Variants in GUF1 observed in about 807,000 individuals in gnomAD.
GUF1 encodes GTP binding elongation factor GUF1.
Under a neutral mutation model 82.4 loss-of-function variants are expected in GUF1, and 78 were observed. That is an observed-to-expected ratio of 0.95 (90% CI 0.79 to 1.14). The LOEUF (loss-of-function observed/expected upper bound fraction) is 1.14, where lower values mean the gene tolerates loss of function less well. GUF1 is among the 50% of genes most tolerant of loss of function. The pLI is 0.00. For missense variants in GUF1, 814 were observed against 798.2 expected, an observed-to-expected ratio of 1.02 and a Z score of -0.24; for synonymous variants, 279 against 282.3, an observed-to-expected ratio of 0.99 and a Z score of 0.12.
At chr4:44,696,314 CTGG>C (rs1371422677) in intron 15 of GUF1, among the ~76,000 whole-genome samples, 1 of 152,078 alleles carries the variant, frequency 6.6e-6, no homozygotes, top group Non-Finnish European at 1.5e-5. Flanking sequence ...AATCAGAACA[CTGG>C]CTGGGTGTGG....
chr4:44,680,894 T>C (rs1374395595), intron 3 of GUF1, 52 bp downstream of exon 3: 1 of 1,437,732 alleles, frequency 7.0e-7, no homozygotes, highest in Non-Finnish European at 9.6e-7. Flanking sequence ...ATTGTGTCAG[T>C]AGTGCAAACA....
In GUF1 at chr4:44,689,846, A is replaced by G; in HGVS notation, c.1206A>G (p.Leu402=). Residue 402 remains leucine (L), a synonymous_variant, in exon 11 of 17, where the codon CTA becomes CTG. Coordinates refer to ENST00000281543, the MANE Select transcript of GUF1 (RefSeq NM_021927.3). ...SSLALGAGWR[L]GFLGLLHMEV... is the part of the protein sequence containing the mutation. ...AGTTTGTCTTTTCCTCCCCCAGGCT[A>G]GGATTTCTTGGACTTTTGCACATGG... 2.5e-6 allele frequency: 4 copies of G among 1,600,082 alleles called. No individual in the cohort carries two copies. Among genetic ancestry groups the G allele is most frequent in the Non-Finnish European group, 3.4e-6 (4 of 1,171,338 alleles).
At chr4:44,698,326 C>G (rs1389061409) in intron 16 of GUF1, among the ~76,000 whole-genome samples, 1 of 151,966 alleles carries the variant, frequency 6.6e-6, no homozygotes, top group African/African-American at 2.4e-5. Context: ...TATTATTATA[C>G]TAGGTTTCCT....
chr4:44,696,271 C>T (rs6447369), intron 15 of GUF1, among the ~76,000 whole-genome samples: 27 of 151,920 alleles, frequency 1.8e-4, no homozygotes, highest in African/African-American at 6.0e-4. Flanking sequence ...TAATTTGTGT[C>T]GGACACTAGT....
intron 8 of GUF1, among the ~76,000 whole-genome samples, chr4:44,687,022 G>T (rs1389056234): frequency 1.3e-5 from 2 of 151,808 alleles, no homozygotes; most frequent in South Asian, 2.1e-4. Flanking sequence ...TCCATATTAG[G>T]TATCATTTTT....
Position 44,691,725 on chromosome 4 carries a change from A to G in GUF1, c.1539A>G (p.Lys513=), listed in dbSNP as rs377688166. 2.0e-5 allele frequency: 32 copies of G among 1,585,420 alleles called. No homozygotes were observed. In the South Asian group the frequency reaches 3.0e-4, roughly 15 times the overall value. ...IFIDQNRVML[K]YLFPLNEIVV... ...TTGATCAAAATAGAGTTATGCTTAA[A>G]TATCTCTTTCCTTTGAATGAAATTG... The change falls in exon 13 of 17, where the codon AAA becomes AAG. Residue 513 remains lysine (K), a synonymous_variant. Transcript: ENST00000281543.
chr4:44,698,075 G>A (rs1467077268), intron 16 of GUF1, among the ~76,000 whole-genome samples: 1 of 152,160 alleles, frequency 6.6e-6, no homozygotes, highest in East Asian at 1.9e-4. Flanking sequence ...GAGCTCAGGA[G>A]GCGGAGGTTA....
chr4:44,682,133 C>T (rs1714804706), intron 4 of GUF1: 1 of 362,266 alleles, frequency 2.8e-6, no homozygotes, highest in Non-Finnish European at 5.0e-6. Flanking sequence ...ATTGCTTTAC[C>T]ATCAGCGATT....
chr4:44,691,451 A>G (rs769550362), intron 12 of GUF1, among the ~76,000 whole-genome samples: 4 of 151,750 alleles, frequency 2.6e-5, no homozygotes, highest in Non-Finnish European at 5.9e-5. Flanking sequence ...CATTTGATTT[A>G]CTGTTAAATG....
chr4:44,693,457 C>T (rs1239979244), intron 13 of GUF1, among the ~76,000 whole-genome samples: 1 of 151,950 alleles, frequency 6.6e-6, no homozygotes, highest in African/African-American at 2.4e-5. Context: ...CTGTATGATA[C>T]TTAACATGGT....
Position 44,698,938 on chromosome 4 carries a change from C to T in GUF1, c.*257C>T, listed in dbSNP as rs1010967164. 6 of 337,008 alleles carry T rather than the reference C, an allele frequency of 1.8e-5. No individual in the cohort carries two copies. Among genetic ancestry groups the T allele is most frequent in the Admixed American group, 9.3e-5 (2 of 21,398 alleles). 20.9% of individuals were successfully genotyped at this position (337,008 alleles called of 1,614,324 possible). Reference sequence around the variant, plus strand: ...ACCTTTGTTTCCTCTTCAGTAAAATCGAGATTATACTACTACCTACATAAG... The same window carrying T: ...ACCTTTGTTTCCTCTTCAGTAAAATTGAGATTATACTACTACCTACATAAG... On this transcript the variant is annotated 3_prime_UTR_variant, in exon 17 of 17. Transcript: ENST00000281543.
At chr4:44,688,407 C>A (rs1715204130) in intron 9 of GUF1, among the ~76,000 whole-genome samples, 1 of 148,006 alleles carries the variant, frequency 6.8e-6, no homozygotes, top group African/African-American at 2.4e-5. Flanking sequence ...ATATAAATTT[C>A]TTTCTTATTT....
At position 44,678,697 on chromosome 4, in the gene GUF1, G is replaced by C; in HGVS notation, c.75G>C (p.Leu25=). ...CACGAGCCACTGGGGCCGCGCTTCT[G>C]GTGGCCCCGGGGCCCCGGTCCGCGC... ...LAPRATGAAL[L]VAPGPRSAPT... Residue 25 remains leucine, a synonymous_variant, in exon 1 of 17, where the codon CTG becomes CTC. Coordinates refer to ENST00000281543, the MANE Select transcript of GUF1 (RefSeq NM_021927.3). The C allele has an allele frequency of 6.6e-7, 1 of 1,506,198 alleles. No individual in the cohort carries two copies. The highest frequency in any genetic ancestry group is 8.8e-7 in the Non-Finnish European group (1 of 1,141,348). 93.3% of individuals were successfully genotyped at this position (1,506,198 alleles called of 1,614,324 possible).
intron 1 of GUF1, 55 bp downstream of exon 1, chr4:44,678,842 A>G: frequency 6.7e-7 from 1 of 1,503,652 alleles, no homozygotes; most frequent in Non-Finnish European, 8.8e-7. Flanking sequence ...GGAGTGCCCC[A>G]TGCGATCTTG....
Position 44,681,383 on chromosome 4 carries a change from C to A in GUF1, c.507+180C>A, listed in dbSNP as rs544528050. On this transcript the variant is annotated intron_variant, in intron 4 of 16. Transcript: ENST00000281543. The stretch of plus-strand genomic sequence containing the variant: ...AATCTGAAATATTATTACAATAAAG[C>A]ATTCTCTGGAATTGACTAGTTTTTA... 9.2e-5 allele frequency among the ~76,000 whole-genome samples: 14 copies of A among 152,096 alleles called. No homozygotes were observed. The South Asian group carries it at 2.9e-3, about 32-fold the overall frequency.
chr4:44,699,345 G>C lies in GUF1; in HGVS notation c.*664G>C, dbSNP rs953413434. The C allele has an allele frequency of 3.3e-5, 5 of 152,156 alleles. No homozygotes were observed. The highest frequency in any genetic ancestry group is 7.3e-5 in the Non-Finnish European group (5 of 68,088). The allele number at this position is 152,156 out of a possible 1,614,324, so 9.4% of individuals were successfully genotyped here. On this transcript the variant is annotated 3_prime_UTR_variant, in exon 17 of 17. Transcript: ENST00000281543. Reference sequence around the variant, plus strand: ...TTACAGGCGTGCACCACCATGCTCGGCTAATTTTTTGTATCTTTAGTAGAG... The same window carrying C: ...TTACAGGCGTGCACCACCATGCTCGCCTAATTTTTTGTATCTTTAGTAGAG...
In GUF1 at chr4:44,699,035, A is replaced by G. The variant is rs1181150318; in HGVS notation, c.*354A>G. The G allele has an allele frequency of 4.8e-5, 8 of 165,870 alleles. No individual in the cohort carries two copies. The highest frequency in any genetic ancestry group is 7.2e-5 in the African/African-American group (3 of 41,788). The allele number at this position is 165,870 out of a possible 1,614,324, so 10.3% of individuals were successfully genotyped here. A position where few individuals can be genotyped will look rare whatever the true frequency, so the allele number is the denominator to read the frequency against. On this transcript the variant is annotated 3_prime_UTR_variant, in exon 17 of 17. Coordinates refer to ENST00000281543, the MANE Select transcript of GUF1 (RefSeq NM_021927.3). Reference sequence around the variant, plus strand: ...GTGCAAGACACATAGTAAGCACTCAATTGTAACTACAGTTAAGTCCTTAAA... The same window carrying G: ...GTGCAAGACACATAGTAAGCACTCAGTTGTAACTACAGTTAAGTCCTTAAA...
intron 3 of GUF1, 130 bp downstream of exon 3, chr4:44,680,972 T>TA: frequency 9.3e-7 from 1 of 1,078,402 alleles, no homozygotes; most frequent in Non-Finnish European, 1.4e-6. Context: ...TCAGTGTTCT[T>TA]ATGTTAGTGT....
At chr4:44,690,692 T>C in intron 11 of GUF1, 25 bp from the exon 12 acceptor site, 2 of 1,351,860 alleles carry the variant, frequency 1.5e-6, no homozygotes, top group Non-Finnish European at 2.1e-6. Context: ...AGATTTTAAG[T>C]ATTGCTGATT....
Sources: allele counts gnomAD v4.1 joint callset (sites outside exome capture counted in the v4.1 genomes callset), GRCh38; gene constraint gnomAD v4.1.1; transcripts MANE v1.5; gene names NCBI Gene and HGNC (gene_info 2026-07-23, HGNC 2026-07-21).